The following PLA2G4B variants were observed in gnomAD, a reference collection of about 807,000 sequenced individuals.
The protein encoded by PLA2G4B is phospholipase A2 group IVB.
Under a neutral mutation model 95.8 loss-of-function variants are expected in PLA2G4B, and 122 were observed. That is an observed-to-expected ratio of 1.27 (90% confidence interval 1.10 to 1.48). PLA2G4B has a LOEUF of 1.48. Ranked by LOEUF, PLA2G4B falls within the 40% of genes most tolerant of loss-of-function variation. PLA2G4B has a pLI of 0.00. For missense variants in PLA2G4B, 1,158 were observed against 996.2 expected, an observed-to-expected ratio of 1.16 and a Z score of -2.19; for synonymous variants, 518 against 421.5, an observed-to-expected ratio of 1.23 and a Z score of -2.80.
chr15:41,842,861 G>T, intron 10 of PLA2G4B: 1 of 463,890 alleles, frequency 2.2e-6, no homozygotes, highest in Non-Finnish European at 3.8e-6. Context: ...ACGCAGGGAG[G>T]CAAGGATGGA....
intron 10 of PLA2G4B, 188 bp downstream of exon 10, chr15:41,842,779 A>C: frequency 2.3e-6 from 2 of 884,284 alleles, no homozygotes; most frequent in Non-Finnish European, 3.2e-6. Flanking sequence ...CTTAGCACCT[A>C]TGGTCAGAGG....
At chr15:41,841,432 A>G in intron 6 of PLA2G4B, 85 bp from the exon 7 acceptor site, 1 of 1,610,816 alleles carries the variant, frequency 6.2e-7, no homozygotes, top group East Asian at 2.2e-5. Context: ...TGAAGTGCAG[A>G]CCAGCAGCAG....
rs765247366 is a variant in PLA2G4B at position 41,847,381 on chromosome 15, G to C, written c.1992G>C (p.Pro664=). ...GGTTCTGCCAGGAGCAGGGGATCCC[G>C]TTCCCACCCATCTCGCCCAGCCCCG... ...LGRFCQEQGI[P]FPPISPSPEE... Residue 664 remains proline (P), a synonymous_variant, in exon 19 of 20, where the codon CCG becomes CCC. Coordinates refer to ENST00000458483, the MANE Select transcript of PLA2G4B (RefSeq NM_001114633.2). 4 of 1,611,470 alleles carry C rather than the reference G, an allele frequency of 2.5e-6. No individual in the cohort carries two copies. In the African/African-American group the frequency reaches 5.3e-5, roughly 22 times the overall value.
Position 41,844,952 on chromosome 15 carries a change from T to A in PLA2G4B, c.1121T>A (p.Leu374Gln). The change falls in exon 13 of 20, where the codon CTG becomes CAG. Residue 374 changes from leucine (L) to glutamine (Q), a missense_variant. Coordinates refer to ENST00000458483, the MANE Select transcript of PLA2G4B (RefSeq NM_001114633.2). ...GTGACCAAGAACAAGCTGGGTGTGC[T>A]GGCCCCCAGCCAGCTGCAGCGGTAC... ...TQVTKNKLGV[L>Q]APSQLQRYRQ... 1.2e-6 allele frequency: 2 copies of A among 1,611,990 alleles called. No homozygotes were observed. Among genetic ancestry groups the A allele is most frequent in the Non-Finnish European group, 1.7e-6 (2 of 1,179,274 alleles).
chr15:41,841,934 G>C lies in PLA2G4B; in HGVS notation c.606G>C (p.Leu202=). 3 of 1,612,450 alleles carry C rather than the reference G, an allele frequency of 1.9e-6. No individual in the cohort carries two copies. Among genetic ancestry groups the C allele is most frequent in the Non-Finnish European group, 2.5e-6 (3 of 1,179,838 alleles). Residue 202 remains leucine (L), a synonymous_variant, in exon 8 of 20, where the codon CTG becomes CTC. Coordinates refer to ENST00000458483, the MANE Select transcript of PLA2G4B (RefSeq NM_001114633.2). ...FHCPACWEQE[L]SIRLQDAPEE... is the part of the protein sequence containing the mutation. ...GCCCAGCCTGCTGGGAGCAGGAGCT[G>C]AGTATTCGCCTGCAGGTAGTGTGCC...
chr15:41,846,208 G>C lies in PLA2G4B; in HGVS notation c.1606G>C (p.Glu536Gln), dbSNP rs952406814. 35 of 1,613,586 alleles carry C rather than the reference G, an allele frequency of 2.2e-5. No individual in the cohort carries two copies. The highest frequency in any genetic ancestry group is 2.9e-5 in the Non-Finnish European group (34 of 1,179,732). The change falls in exon 17 of 20, where the codon GAG (glutamate) becomes CAG (glutamine). Residue 536 changes from glutamate to glutamine, a missense_variant. Transcript: ENST00000458483. ...CCCCCACCTTGCCTGTGTAGACAAGGAGCAGGTCCCCCTTCTGAAGATAGA... is the reference window on the plus strand; with the variant it reads ...CCCCCACCTTGCCTGTGTAGACAAGCAGCAGGTCCCCCTTCTGAAGATAGA... ...WVRNQANLDKEQVPLLKIEEP... is the reference protein window; with the variant it reads ...WVRNQANLDKQQVPLLKIEEP...
intron 10 of PLA2G4B, 118 bp from the exon 11 acceptor site, chr15:41,843,558 G>A (rs2065475403): frequency 6.7e-7 from 1 of 1,500,666 alleles, no homozygotes; most frequent in South Asian, 1.3e-5. Flanking sequence ...CACGGGAGTG[G>A]CATTGAGGGT....
chr15:41,841,584 C>G lies in PLA2G4B; in HGVS notation c.490+13C>G. 1.2e-6 allele frequency: 2 copies of G among 1,613,998 alleles called. No homozygotes were observed. Among genetic ancestry groups the G allele is most frequent in the Non-Finnish European group, 1.7e-6 (2 of 1,179,968 alleles). ...GGAGACCAGAAGTGTGAGTCCCCAA[C>G]CCACTGGGACAGCCCCTGGCTCTCA... On this transcript the variant is annotated intron_variant, in intron 7 of 19. Transcript: ENST00000458483.
At chr15:41,842,902 G>C (rs1197333922) in intron 10 of PLA2G4B, 1 of 375,176 alleles carries the variant, frequency 2.7e-6, no homozygotes, top group Non-Finnish European at 4.8e-6. Context: ...GCGCAGAGAG[G>C]GCAGGAAAAC....
At chr15:41,844,748 G>T in intron 12 of PLA2G4B, 100 bp from the exon 13 acceptor site, 1 of 1,541,608 alleles carries the variant, frequency 6.5e-7, no homozygotes, top group East Asian at 2.4e-5. Context: ...ACCCTGGGAA[G>T]GTCCCTGCCA....
In PLA2G4B at chr15:41,847,505, C is replaced by T. The variant is rs141583854; in HGVS notation, c.2116C>T (p.Arg706Trp). The T allele has an allele frequency of 1.5e-3, 2,452 of 1,606,060 alleles. 31 individuals carry two copies. In the South Asian group the frequency reaches 0.015, roughly 10 times the overall value. Residue 706 changes from arginine to tryptophan, a missense_variant, in exon 19 of 20, where the codon CGG (arginine) becomes TGG (tryptophan). Transcript: ENST00000458483. ...CTTTCCTCTGGTCAGCGACTCCTTC[C>T]GGGAGTACTCGGCCCCTGGTGAGCT... ...LHFPLVSDSF[R>W]EYSAPGVRRT...
chr15:41,841,010 C>A, intron 4 of PLA2G4B, 45 bp from the exon 5 acceptor site: 1 of 1,570,330 alleles, frequency 6.4e-7, no homozygotes, highest in Non-Finnish European at 8.7e-7. Flanking sequence ...GACATATGTG[C>A]ACTCCTTCTG....
At position 41,845,006 on chromosome 15, in the gene PLA2G4B, T is replaced by C. The variant is rs1567171660; in HGVS notation, c.1175T>C (p.Leu392Ser). Residue 392 changes from leucine (L) to serine (S), a missense_variant, in exon 13 of 20, where the codon TTG (leucine) becomes TCG (serine). Leu to Ser is a moderately radical substitution (Grantham distance 145). Transcript: ENST00000458483. ...CAGGAGCTGGCCGAGCGTGCCCGCT[T>C]GGGCTACCCAAGCTGCTTCACCAAC... Reference protein sequence around the residue: ...YRQELAERARLGYPSCFTNLW... With the variant: ...YRQELAERARSGYPSCFTNLW... The C allele has an allele frequency of 2.5e-6, 4 of 1,606,688 alleles. No homozygotes were observed. Among genetic ancestry groups the C allele is most frequent in the Non-Finnish European group, 3.4e-6 (4 of 1,176,900 alleles).
intron 17 of PLA2G4B, 42 bp downstream of exon 17, chr15:41,846,424 C>G: frequency 6.3e-7 from 1 of 1,577,478 alleles, no homozygotes; most frequent in Non-Finnish European, 8.6e-7. Flanking sequence ...CCACCTGAGC[C>G]TTGAGTCCCC....
chr15:41,841,533 G>C lies in PLA2G4B; in HGVS notation c.452G>C (p.Cys151Ser). ...NGVLVARELS[C>S]LHVQLEETGD... ...ATGACTCAGGCCCGGGAGCTCTCCT[G>C]CTTGCACGTTCAACTGGAGGAGACA... Residue 151 changes from cysteine to serine, a missense_variant, in exon 7 of 20, where the codon TGC becomes TCC. Cys to Ser is a moderately radical substitution (Grantham distance 112, BLOSUM62 -1). Transcript: ENST00000458483. The C allele has an allele frequency of 6.2e-7, 1 of 1,614,096 alleles. No homozygotes were observed. Among genetic ancestry groups the C allele is most frequent in the Non-Finnish European group, 8.5e-7 (1 of 1,180,010 alleles).
intron 11 of PLA2G4B, among the ~76,000 whole-genome samples, chr15:41,844,043 C>G (rs971028563): frequency 6.6e-6 from 1 of 152,226 alleles, no homozygotes; most frequent in Non-Finnish European, 1.5e-5. Flanking sequence ...TACTCTGTTT[C>G]TTGGTTCTCA....
At chr15:41,840,403 G>T in intron 2 of PLA2G4B, 121 bp from the exon 3 acceptor site, 1 of 1,587,024 alleles carries the variant, frequency 6.3e-7, no homozygotes, top group Non-Finnish European at 8.5e-7. Context: ...TCTGCCTCTG[G>T]CCCCCACTTC....
At chr15:41,844,783 G>A (rs967072266) in intron 12 of PLA2G4B, 65 bp from the exon 13 acceptor site, 30 of 1,540,864 alleles carry the variant, frequency 1.9e-5, no homozygotes, top group Middle Eastern at 2.3e-4. Flanking sequence ...AAAGCCCGGG[G>A]CACGTGGGGT....
In PLA2G4B at chr15:41,841,741, C is replaced by T. The variant is rs1595419867; in HGVS notation, c.491-78C>T. ...ATTTCAGCGGGGAGAGGGAGGTGCC[C>T]TCCAGGCCACGCAGCAAGATGGGTT... On this transcript the variant is annotated intron_variant, in intron 7 of 19. Transcript: ENST00000458483. 15 of 1,583,954 alleles carry T rather than the reference C, an allele frequency of 9.5e-6. No homozygotes were observed. In the East Asian group the frequency reaches 1.6e-4, roughly 17 times the overall value.
Sources: gnomAD v4.1 joint callset for allele counts (sites outside exome capture counted in the v4.1 genomes callset) on GRCh38, gnomAD v4.1.1 for gene constraint, MANE v1.5 for transcripts, NCBI Gene and HGNC (gene_info 2026-07-23, HGNC 2026-07-21) for gene names.